PDE3B: variants seen among roughly 807,000 people sequenced by gnomAD.
The protein encoded by PDE3B is phosphodiesterase 3B, also known as cGMP-inhibited 3',5'-cyclic phosphodiesterase 3B.
Under a neutral mutation model 116.8 loss-of-function variants are expected in PDE3B, and 66 were observed. The ratio of observed to expected loss-of-function variants is 0.56; its 90% confidence interval spans 0.46 to 0.69. The LOEUF (loss-of-function observed/expected upper bound fraction) is 0.69. PDE3B is among the 30% of genes least tolerant of loss of function. The pLI, the probability that PDE3B is intolerant of heterozygous loss-of-function variation, is 0.00. For missense variants in PDE3B, 1,384 were observed against 1,368.1 expected (o/e 1.01, Z -0.18); for synonymous variants, 595 against 533.6 (o/e 1.12, Z -1.59).
chr11:14,844,155 T>A (rs1847537219), intron 12 of PDE3B, 129 bp downstream of exon 12: 1 of 660,680 alleles, frequency 1.5e-6, no homozygotes, highest in Admixed American at 2.6e-5. Flanking sequence ...TACATTTTAA[T>A]TAATTGGATA....
rs1465873018 is a variant in PDE3B, at chr11:14,729,754, C to CATA, written c.979-42180_979-42178dup. Among the ~76,000 whole-genome samples the CATA allele has an allele frequency of 3.9e-5, 6 of 152,134 alleles. No homozygotes were observed. In the East Asian group the frequency reaches 1.2e-3, roughly 29 times the overall value. Reference sequence around the variant, plus strand: ...TATAAACAAATTTTGAGTATAAAATCATAATCTAAAATTTTGTTTTATATT... The same window carrying CATA: ...TATAAACAAATTTTGAGTATAAAATCATAATAATCTAAAATTTTGTTTTATATT... On this transcript the variant is annotated intron_variant, in intron 1 of 15. Transcript: ENST00000282096.
At chr11:14,763,470 G>A (rs561816252) in intron 1 of PDE3B, among the ~76,000 whole-genome samples, 1 of 152,114 alleles carries the variant, frequency 6.6e-6, no homozygotes, top group Admixed American at 6.6e-5. Context: ...GATAGTGGCC[G>A]GGTGAAAGTA....
intron 5 of PDE3B, among the ~76,000 whole-genome samples, chr11:14,815,726 G>T (rs757496787): frequency 6.6e-6 from 1 of 151,950 alleles, no homozygotes; most frequent in Non-Finnish European, 1.5e-5. Flanking sequence ...AGGGGGCAAG[G>T]GTTAATGCTA....
At chr11:14,892,332 G>A in the PDE3B span, 2 of 894,146 alleles carry the variant, frequency 2.2e-6, no homozygotes, top group Non-Finnish European at 3.4e-6. Context: ...TTGGCTGACT[G>A]AGTGAGCGCT....
intron 1 of PDE3B, among the ~76,000 whole-genome samples, chr11:14,738,795 G>A (rs865897830): frequency 3.2e-4 from 48 of 152,106 alleles, no homozygotes; most frequent in African/African-American, 1.1e-3. Flanking sequence ...GTAAGAAAGG[G>A]GTCCAGTTTC....
Position 14,644,794 on chromosome 11 carries a change from T to C in PDE3B, c.719T>C (p.Leu240Pro). 6.2e-7 allele frequency: 1 copy of C among 1,610,702 alleles called. No individual in the cohort carries two copies. The highest frequency in any genetic ancestry group is 8.5e-7 in the Non-Finnish European group (1 of 1,178,438). The change falls in exon 1 of 16, where the codon CTG becomes CCG. Residue 240 changes from leucine to proline, a missense_variant. Leu to Pro is a moderately conservative substitution (Grantham distance 98). This residue lies in a region of PDE3B where 956 missense variants were observed against 806.8 expected (regional missense o/e 1.18). Transcript: ENST00000282096. ...GTCTCCTTCACCAGCCTCGGGTCGC[T>C]GCCCTCCGCCCTCAGGCCGCTGCTC... ...WWVSFTSLGSLPSALRPLLSG... is the reference protein window; with the variant it reads ...WWVSFTSLGSPPSALRPLLSG...
At chr11:14,821,250 C>G (rs983302323) in intron 7 of PDE3B, among the ~76,000 whole-genome samples, 11 of 152,176 alleles carry the variant, frequency 7.2e-5, no homozygotes, top group Admixed American at 2.6e-4. Flanking sequence ...GTGGAAACTA[C>G]CAGTTCAGTT....
rs147448158 is a variant in PDE3B, at chr11:14,790,297, G to A, written c.1415+1055G>A. Among the ~76,000 whole-genome samples the A allele has an allele frequency of 1.8e-3, 269 of 150,950 alleles. 1 individual carries two copies. The highest frequency in any genetic ancestry group is 6.2e-3 in the African/African-American group (254 of 41,228). On this transcript the variant is annotated intron_variant, in intron 4 of 15. Transcript: ENST00000282096. ...GTACTGTACAGGAAAATGAGCATTGGTCCAAAATTTGCCATGGCCTGAACA... is the reference window on the plus strand; with the variant it reads ...GTACTGTACAGGAAAATGAGCATTGATCCAAAATTTGCCATGGCCTGAACA...
rs59099319 is a variant in PDE3B, at chr11:14,735,958, TTGTGTGTG to T, written c.979-35948_979-35941del. On this transcript the variant is annotated intron_variant, in intron 1 of 15. Coordinates refer to ENST00000282096, the MANE Select transcript of PDE3B (RefSeq NM_000922.4). Reference sequence around the variant, plus strand: ...ATCTGGATGTGCTGGGAATAATAGGTTGTGTGTGTGTGTGTGTGTGTGTGTGTGTGTGT... The same window carrying T: ...ATCTGGATGTGCTGGGAATAATAGGTTGTGTGTGTGTGTGTGTGTGTGTGT... 2.6e-3 allele frequency among the ~76,000 whole-genome samples: 367 copies of T among 143,024 alleles called. 1 individual carries two copies. Among genetic ancestry groups the T allele is most frequent in the South Asian group, 0.011 (46 of 4,312 alleles). The allele number at this position is 143,024 out of a possible 152,430, so 93.8% of individuals were successfully genotyped here.
chr11:14,829,169 C>T (rs748576456), intron 7 of PDE3B, among the ~76,000 whole-genome samples: 5 of 151,082 alleles, frequency 3.3e-5, no homozygotes, highest in East Asian at 3.9e-4. Context: ...GGAGGGTGGG[C>T]GGAGGGAGAG....
At chr11:14,714,726 A>T (rs138819770) in intron 1 of PDE3B, among the ~76,000 whole-genome samples, 1 of 152,084 alleles carries the variant, frequency 6.6e-6, no homozygotes, top group Admixed American at 6.6e-5. Context: ...ACACATAGCT[A>T]TTGAGTCCTT....
the PDE3B span, chr11:14,891,810 A>G: frequency 7.0e-7 from 1 of 1,419,560 alleles, no homozygotes; most frequent in African/African-American, 1.5e-5. Context: ...CACGGCGTCG[A>G]GGACTTCTCC....
chr11:14,827,301 A>G (rs1159135783), intron 7 of PDE3B, among the ~76,000 whole-genome samples: 1 of 152,146 alleles, frequency 6.6e-6, no homozygotes, highest in Admixed American at 6.5e-5. Flanking sequence ...TTAACATAGT[A>G]TTGGAAGTCT....
At chr11:14,876,078 G>A (rs1374516465), downstream of PDE3B, among the ~76,000 whole-genome samples, 1 of 152,192 alleles carries the variant, frequency 6.6e-6, no homozygotes, top group African/African-American at 2.4e-5. Flanking sequence ...TCACTAAGTT[G>A]TTTTGCCTAG....
intron 11 of PDE3B, among the ~76,000 whole-genome samples, chr11:14,836,878 C>T (rs1180143978): frequency 2.6e-5 from 4 of 152,200 alleles, no homozygotes; most frequent in African/African-American, 7.2e-5. Flanking sequence ...GGCTTGATCT[C>T]GGCTCACCGC....
rs375642412 is a variant in PDE3B at position 14,827,419 on chromosome 11, G to A, written c.1808-3279G>A. ...CATGATTCTATATCTAGAAAACCCC[G>A]AAGTCTCGGCCCGAAAGCTCCTTAA... On this transcript the variant is annotated intron_variant, in intron 7 of 15. Transcript: ENST00000282096. Among the ~76,000 whole-genome samples, 680 of 152,124 alleles carry A rather than the reference G, an allele frequency of 4.5e-3. 9 individuals are homozygous for A. The highest frequency in any genetic ancestry group is 0.016 in the African/African-American group (659 of 41,504).
At chr11:14,651,430 A>G (rs1467609518) in intron 1 of PDE3B, among the ~76,000 whole-genome samples, 1 of 152,188 alleles carries the variant, frequency 6.6e-6, no homozygotes, top group Non-Finnish European at 1.5e-5. Flanking sequence ...TTGGGGCGAT[A>G]CAATTCAGCC....
chr11:14,760,447 A>G, intron 1 of PDE3B, among the ~76,000 whole-genome samples: 1 of 152,226 alleles, frequency 6.6e-6, no homozygotes, highest in Non-Finnish European at 1.5e-5. Flanking sequence ...CTGAAGGTGC[A>G]TAATTTGCAT....
chr11:14,674,023 C>T lies in PDE3B; in HGVS notation c.978+28970C>T, dbSNP rs182167633. ...GGCAGGAAGTTAAAAGAGCTGTTTTCGTCTGGTAATTAAGTCCCAGTCATC... is the reference window on the plus strand; with the variant it reads ...GGCAGGAAGTTAAAAGAGCTGTTTTTGTCTGGTAATTAAGTCCCAGTCATC... On this transcript the variant is annotated intron_variant, in intron 1 of 15. Transcript: ENST00000282096. 361 of 1,453,762 alleles carry T rather than the reference C, an allele frequency of 2.5e-4. 1 individual carries two copies. The African/African-American group carries it at 4.2e-3, about 17-fold the overall frequency. 90.1% of individuals were successfully genotyped at this position (1,453,762 alleles called of 1,614,324 possible).
Sources: gnomAD v4.1 joint callset for allele counts (sites outside exome capture counted in the v4.1 genomes callset) on GRCh38, gnomAD v4.1.1 for gene constraint, gnomAD v4.1.1 regional missense constraint, MANE v1.5 for transcripts, NCBI Gene and HGNC (gene_info 2026-07-23, HGNC 2026-07-21) for gene names.